The following ANOS1 variants were observed in gnomAD, a reference collection of about 807,000 sequenced individuals.
The protein encoded by ANOS1 is anosmin-1.
Under a neutral mutation model 59.0 loss-of-function variants are expected in ANOS1, and 6 were observed. That is an observed-to-expected ratio of 0.10 (90% CI 0.06 to 0.20). The LOEUF (loss-of-function observed/expected upper bound fraction) is 0.20, where lower values mean the gene tolerates loss of function less well. Among genes scored for constraint, ANOS1 ranks in the 10% least tolerant of loss-of-function variants. The pLI is 1.00. For missense variants in ANOS1, 433 were observed against 542.3 expected (o/e 0.80, Z 2.00); for synonymous variants, 217 against 223.4 (o/e 0.97, Z 0.25).
intron 6 of ANOS1, 107 bp downstream of exon 6, chrX:8,585,160 C>A: frequency 1.1e-6 from 1 of 903,230 alleles, no homozygotes; most frequent in Non-Finnish European, 1.6e-6. Flanking sequence ...AGCAAAGCCA[C>A]CTGTTGACTA....
intron 6 of ANOS1, among the ~76,000 whole-genome samples, chrX:8,572,136 TA>T (rs1250388365): frequency 4.8e-5 from 5 of 104,314 alleles, no homozygotes; most frequent in African/African-American, 1.8e-4. Flanking sequence ...ATTTTTTTTT[TA>T]AATTAACTTT....
At chrX:8,719,134 C>T (rs1252439138) in intron 1 of ANOS1, among the ~76,000 whole-genome samples, 1 of 111,730 alleles carries the variant, frequency 9.0e-6, no homozygotes, top group Admixed American at 9.6e-5. Flanking sequence ...GATGGGGTGA[C>T]ACATGTCAAT....
chrX:8,557,620 A>G (rs1213249274), intron 8 of ANOS1, among the ~76,000 whole-genome samples: 4 of 112,490 alleles, frequency 3.6e-5, no homozygotes, highest in African/African-American at 9.7e-5. Flanking sequence ...CAAAACCACA[A>G]TTAGATACCA....
intron 2 of ANOS1, among the ~76,000 whole-genome samples, chrX:8,684,421 C>T (rs1398768150): frequency 9.0e-6 from 1 of 111,126 alleles, no homozygotes; most frequent in Non-Finnish European, 1.9e-5. Flanking sequence ...AGGCTGCTTG[C>T]CGGCCGTAAT....
At chrX:8,655,578 G>A (rs1200996705) in intron 2 of ANOS1, among the ~76,000 whole-genome samples, 2 of 111,268 alleles carry the variant, frequency 1.8e-5, no homozygotes, top group African/African-American at 6.5e-5. Flanking sequence ...CTGAGTGGTT[G>A]CAACAGAGAC....
chrX:8,678,618 C>T (rs1404682273), intron 2 of ANOS1, among the ~76,000 whole-genome samples: 1 of 111,471 alleles, frequency 9.0e-6, no homozygotes. Context: ...TCCATTATTC[C>T]TTCTGACCCT....
intron 2 of ANOS1, among the ~76,000 whole-genome samples, chrX:8,673,902 T>G (rs780938655): frequency 1.2e-4 from 13 of 111,117 alleles, no homozygotes; most frequent in Non-Finnish European, 3.8e-5. Context: ...CTGTATTGTC[T>G]TCACACCTTT....
At chrX:8,634,113 CATTCTCTTAGTAG>C (rs751664610) in intron 2 of ANOS1, among the ~76,000 whole-genome samples, 178 of 111,120 alleles carry the variant, frequency 1.6e-3, no homozygotes, top group African/African-American at 5.6e-3. Context: ...TTGATAATTC[CATTCTCTTAGTAG>C]ATTCTCTTAG....
intron 9 of ANOS1, among the ~76,000 whole-genome samples, chrX:8,547,937 A>G (rs1387328988): frequency 9.0e-6 from 1 of 111,495 alleles, no homozygotes; most frequent in Admixed American, 9.5e-5. Flanking sequence ...GACTGGTCTC[A>G]AATTCCTAAC....
chrX:8,709,896 A>C (rs917956870), intron 1 of ANOS1, among the ~76,000 whole-genome samples: 3 of 111,667 alleles, frequency 2.7e-5, no homozygotes. Flanking sequence ...TCTTATGCAC[A>C]AATGATTGAA....
intron 9 of ANOS1, among the ~76,000 whole-genome samples, chrX:8,549,327 C>T (rs1929820311): frequency 8.9e-6 from 1 of 112,138 alleles, no homozygotes. Flanking sequence ...TCTATGCCAA[C>T]AACCATGTTT....
intron 7 of ANOS1, among the ~76,000 whole-genome samples, chrX:8,569,514 C>T (rs916767628): frequency 7.2e-5 from 8 of 111,182 alleles, no homozygotes; most frequent in African/African-American, 1.3e-4. Context: ...TGGTGGCGGG[C>T]GCCTGTAGTC....
At chrX:8,674,670 G>A (rs1006635240) in intron 2 of ANOS1, among the ~76,000 whole-genome samples, 18 of 112,567 alleles carry the variant, frequency 1.6e-4, no homozygotes, top group Non-Finnish European at 3.2e-4. Flanking sequence ...ATTCAAAGCC[G>A]TCCTGGGCCT....
chrX:8,636,363 T>G (rs767644194), intron 2 of ANOS1, among the ~76,000 whole-genome samples: 2 of 111,974 alleles, frequency 1.8e-5, no homozygotes, highest in East Asian at 5.6e-4. Flanking sequence ...TGTCCCTGTG[T>G]TAAATCTCAC....
rs578242662 is a variant in ANOS1, at chrX:8,613,080, T to C, written c.318+10528A>G. The stretch of plus-strand genomic sequence containing the variant: ...AGGCTAAACTTTATTCCTGCTATCA[T>C]GTTTACAATGCATTGGGGAATAAAG... On this transcript the variant is annotated intron_variant, in intron 3 of 13. Transcript: ENST00000262648. Among the ~76,000 whole-genome samples, 4 of 112,752 alleles carry C rather than the reference T, an allele frequency of 3.5e-5. No homozygotes were observed. The South Asian group carries it at 1.1e-3, about 31-fold the overall frequency.
At position 8,585,197 on chromosome X, in the gene ANOS1, G is replaced by A. The variant is rs1265936431; in HGVS notation, c.856+70C>T. 4 of 1,092,851 alleles carry A rather than the reference G, an allele frequency of 3.7e-6. No individual in the cohort carries two copies. The African/African-American group carries it at 7.3e-5, about 20-fold the overall frequency. The allele number at this position is 1,092,851 out of a possible 1,213,427, so 90.1% of individuals were successfully genotyped here. A position where few individuals can be genotyped will look rare whatever the true frequency, so the allele number is the denominator to read the frequency against. On this transcript the variant is annotated intron_variant, in intron 6 of 13. Transcript: ENST00000262648. Reference sequence around the variant, plus strand: ...CTATAAATATGAACATAGAGACAGTGAATCTGCATTCCATGTGTGCCTGGT... The same window carrying A: ...CTATAAATATGAACATAGAGACAGTAAATCTGCATTCCATGTGTGCCTGGT...
chrX:8,705,970 G>A (rs1425029632), intron 1 of ANOS1, among the ~76,000 whole-genome samples: 1 of 111,979 alleles, frequency 8.9e-6, no homozygotes, highest in Non-Finnish European at 1.9e-5. Context: ...AGTCAATCTG[G>A]CTTTCAAAGA....
intron 2 of ANOS1, among the ~76,000 whole-genome samples, chrX:8,698,035 G>C (rs1932709532): frequency 8.9e-6 from 1 of 112,192 alleles, no homozygotes; most frequent in South Asian, 3.7e-4. Flanking sequence ...GTCAAACTCT[G>C]ATTAATAAGC....
In ANOS1 at chrX:8,610,039, C is replaced by T. The variant is rs113264028; in HGVS notation, c.319-12783G>A. Among the ~76,000 whole-genome samples, 2 of 33,321 alleles carry T rather than the reference C, an allele frequency of 6.0e-5. 1 individual carries two copies. The highest frequency in any genetic ancestry group is 1.2e-4 in the Non-Finnish European group (2 of 17,293). The allele number at this position is 33,321 out of a possible 115,157, so 28.9% of individuals were successfully genotyped here. ...AAAAAAAAAAAAAAAAAAAAAACAA[C>T]AACCTTTAAAGAGCACCCATTTTTC... On this transcript the variant is annotated intron_variant, in intron 3 of 13. Coordinates refer to ENST00000262648, the MANE Select transcript of ANOS1 (RefSeq NM_000216.4).
Sources: allele counts gnomAD v4.1 joint callset (sites outside exome capture counted in the v4.1 genomes callset), GRCh38; gene constraint gnomAD v4.1.1; transcripts MANE v1.5; gene names NCBI Gene and HGNC (gene_info 2026-07-23, HGNC 2026-07-21).